DNAH11: variants seen among roughly 807,000 people sequenced by gnomAD.
DNAH11 encodes the protein dynein axonemal heavy chain 11, also known as axonemal beta dynein heavy chain 11.
A neutral mutation model predicts 526.0 loss-of-function variants in DNAH11; 442 were observed. That is an observed-to-expected ratio of 0.84 (90% CI 0.78 to 0.91). DNAH11 has a LOEUF of 0.91. DNAH11 is among the 40% of genes least tolerant of loss of function. The probability of loss-of-function intolerance (pLI) is 0.00; values close to 1 mark genes in which losing one functional copy is unlikely to be tolerated. For missense variants in DNAH11, 6,989 were observed against 5,448.7 expected, an observed-to-expected ratio of 1.28 and a Z score of -8.90; for synonymous variants, 2,461 against 1,935.9, an observed-to-expected ratio of 1.27 and a Z score of -7.12.
chr7:21,596,755 G>A (rs1784877865), intron 14 of DNAH11, among the ~76,000 whole-genome samples: 1 of 152,106 alleles, frequency 6.6e-6, no homozygotes, highest in Non-Finnish European at 1.5e-5. Flanking sequence ...ATTAATAAAT[G>A]GATTCTCCTA....
intron 20 of DNAH11, among the ~76,000 whole-genome samples, chr7:21,608,624 G>C (rs1785396299): frequency 1.3e-5 from 2 of 152,194 alleles, no homozygotes; most frequent in Non-Finnish European, 2.9e-5. Context: ...TGAAAAGGGA[G>C]TAGGTTAGAG....
chr7:21,545,272 GT>G, intron 2 of DNAH11, 123 bp downstream of exon 2: 2 of 112,872 alleles, frequency 1.8e-5, no homozygotes, highest in Non-Finnish European at 2.5e-5. Flanking sequence ...GATGGGGGTG[GT>G]TAAAAAAAAA....
chr7:21,668,566 T>A (rs1782512851), intron 30 of DNAH11, among the ~76,000 whole-genome samples: 1 of 152,202 alleles, frequency 6.6e-6, no homozygotes, highest in Non-Finnish European at 1.5e-5. Context: ...TCTGCCAGCA[T>A]CCATGACTTG....
At chr7:21,686,973 A>G (rs766980172) in intron 32 of DNAH11, 126 bp from the exon 33 acceptor site, 19 of 768,296 alleles carry the variant, frequency 2.5e-5, no homozygotes, top group South Asian at 2.0e-4. Flanking sequence ...AATCAGAAGT[A>G]TATCAGTATT....
intron 5 of DNAH11, 46 bp downstream of exon 5, chr7:21,561,216 C>T (rs1203885941): frequency 5.4e-5 from 75 of 1,382,264 alleles, no homozygotes; most frequent in Non-Finnish European, 7.2e-5. Context: ...ACCATCTGCT[C>T]ATGATCCAGC....
intron 30 of DNAH11, among the ~76,000 whole-genome samples, chr7:21,671,241 A>G (rs187267289): frequency 5.3e-5 from 8 of 152,252 alleles, no homozygotes; most frequent in Admixed American, 4.6e-4. Flanking sequence ...TGCCCATTTT[A>G]AGTAATTCAG....
intron 8 of DNAH11, among the ~76,000 whole-genome samples, chr7:21,573,949 C>T (rs1215966431): frequency 2.0e-5 from 3 of 152,206 alleles, no homozygotes; most frequent in South Asian, 2.1e-4. Context: ...TCTCATCAAT[C>T]TCATGCCTAC....
intron 61 of DNAH11, among the ~76,000 whole-genome samples, chr7:21,789,808 T>TCTTTCTTCTTTCTTTCTTTCTTTC: frequency 5.3e-4 from 18 of 34,124 alleles, no homozygotes; most frequent in African/African-American, 1.0e-3. Flanking sequence ...TTTCTTTCTT[T>TCTTTCTTCTTTCTTTCTTTCTTTC]TTTCTTTCTT....
intron 55 of DNAH11, 49 bp from the exon 56 acceptor site, chr7:21,773,717 T>A (rs1321123836): frequency 8.0e-7 from 1 of 1,253,186 alleles, no homozygotes; most frequent in East Asian, 2.7e-5. Context: ...TTAAGTTGTA[T>A]TTTTAATTTG....
At chr7:21,811,312 C>T (rs1327796457) in intron 63 of DNAH11, among the ~76,000 whole-genome samples, 6 of 151,814 alleles carry the variant, frequency 4.0e-5, no homozygotes, top group Non-Finnish European at 8.8e-5. Flanking sequence ...AAAAATTAGC[C>T]AGGCGTGGTG....
intron 54 of DNAH11, among the ~76,000 whole-genome samples, chr7:21,758,873 A>G (rs1051398544): frequency 3.9e-5 from 6 of 152,178 alleles, no homozygotes; most frequent in African/African-American, 7.2e-5. Context: ...TGTTCTTGCA[A>G]TGGTGCATGT....
At chr7:21,679,496 C>G (rs1334185713) in intron 30 of DNAH11, among the ~76,000 whole-genome samples, 1 of 152,144 alleles carries the variant, frequency 6.6e-6, no homozygotes, top group African/African-American at 2.4e-5. Flanking sequence ...ATACCTTAAA[C>G]GTATACAATT....
intron 25 of DNAH11, among the ~76,000 whole-genome samples, chr7:21,634,390 A>C (rs1451948711): frequency 6.6e-6 from 1 of 152,212 alleles, no homozygotes; most frequent in African/African-American, 2.4e-5. Flanking sequence ...GAGAGTGGTC[A>C]GAGAAATGCT....
intron 9 of DNAH11, among the ~76,000 whole-genome samples, chr7:21,586,514 A>C (rs1409673504): frequency 6.6e-6 from 1 of 152,202 alleles, no homozygotes; most frequent in Non-Finnish European, 1.5e-5. Context: ...ATTGATCCCT[A>C]AGGTATAGTT....
intron 34 of DNAH11, among the ~76,000 whole-genome samples, chr7:21,689,953 G>A (rs1024778006): frequency 4.6e-5 from 7 of 152,272 alleles, no homozygotes; most frequent in African/African-American, 1.4e-4. Context: ...ACCCACTTGG[G>A]TCCTCACAGA....
intron 30 of DNAH11, among the ~76,000 whole-genome samples, chr7:21,664,112 T>G (rs1782336649): frequency 6.6e-6 from 1 of 150,874 alleles, no homozygotes; most frequent in Non-Finnish European, 1.5e-5. Context: ...TAATTTCAGT[T>G]ATTATATCTC....
At chr7:21,682,473 C>T (rs947215707) in intron 31 of DNAH11, among the ~76,000 whole-genome samples, 7 of 147,818 alleles carry the variant, frequency 4.7e-5, no homozygotes, top group Admixed American at 6.8e-5. Flanking sequence ...TTGCAGTGAG[C>T]CGAGATGGCG....
At chr7:21,841,584 G>C (rs978927228) in intron 65 of DNAH11, among the ~76,000 whole-genome samples, 1 of 149,228 alleles carries the variant, frequency 6.7e-6, no homozygotes, top group African/African-American at 2.6e-5. Flanking sequence ...TGTCTATATG[G>C]TCCCAGTGTG....
At chr7:21,828,816 T>C (rs1790423741) in intron 65 of DNAH11, among the ~76,000 whole-genome samples, 1 of 151,472 alleles carries the variant, frequency 6.6e-6, no homozygotes, top group Non-Finnish European at 1.5e-5. Context: ...ACCAATGTTG[T>C]TGTTGTTGTT....
Sources: allele counts gnomAD v4.1 joint callset (sites outside exome capture counted in the v4.1 genomes callset), GRCh38; gene constraint gnomAD v4.1.1; transcripts MANE v1.5; gene names NCBI Gene and HGNC (gene_info 2026-07-23, HGNC 2026-07-21).